EML6: variants seen among roughly 807,000 people sequenced by gnomAD.
EML6 encodes the protein EMAP like 6.
In EML6, 154 loss-of-function variants were observed where a neutral mutation model predicts 240.1. That is an observed-to-expected ratio of 0.64 (90% CI 0.56 to 0.73). The LOEUF (loss-of-function observed/expected upper bound fraction) is 0.73, where lower values mean the gene tolerates loss of function less well. Ranked by LOEUF, EML6 falls within the 30% of genes least tolerant of loss-of-function variation. The pLI, the probability that EML6 is intolerant of heterozygous loss-of-function variation, is 0.00. For missense variants in EML6, 2,964 were observed against 2,474.6 expected, an observed-to-expected ratio of 1.20 and a Z score of -4.20; for synonymous variants, 1,148 against 899.0, an observed-to-expected ratio of 1.28 and a Z score of -4.95.
intron 36 of EML6, among the ~76,000 whole-genome samples, chr2:54,963,322 A>G (rs567762873): frequency 4.6e-5 from 7 of 152,242 alleles, no homozygotes; most frequent in Non-Finnish European, 1.0e-4. Context: ...TAGACTTTTA[A>G]GTTAGTTTCT....
intron 16 of EML6, among the ~76,000 whole-genome samples, chr2:54,873,429 A>G (rs1468925267): frequency 1.3e-5 from 2 of 152,238 alleles, no homozygotes; most frequent in Non-Finnish European, 2.9e-5. Flanking sequence ...ACAGTCAGTA[A>G]TTCACTCAAT....
intron 2 of EML6, among the ~76,000 whole-genome samples, chr2:54,799,408 C>A (rs931010510): frequency 6.6e-6 from 1 of 151,596 alleles, no homozygotes; most frequent in African/African-American, 2.4e-5. Flanking sequence ...TGTGGTGGCG[C>A]GATCTCCGTT....
intron 2 of EML6, among the ~76,000 whole-genome samples, chr2:54,727,504 A>G (rs1682962655): frequency 6.6e-6 from 1 of 152,254 alleles, no homozygotes; most frequent in Non-Finnish European, 1.5e-5. Context: ...AAGACACTGC[A>G]CAAACCACAA....
At chr2:54,935,042 A>T (rs749003550) in intron 28 of EML6, among the ~76,000 whole-genome samples, 9 of 152,078 alleles carry the variant, frequency 5.9e-5, no homozygotes, top group Non-Finnish European at 8.8e-5. Context: ...AGTTTATATT[A>T]TTTGTCTCTG....
chr2:54,896,887 G>GA (rs1340602744), intron 21 of EML6, among the ~76,000 whole-genome samples: 1 of 152,116 alleles, frequency 6.6e-6, no homozygotes, highest in African/African-American at 2.4e-5. Context: ...GTTTTTAAAA[G>GA]AAAAAATCTA....
chr2:54,749,849 A>T (rs1040881528), intron 2 of EML6, among the ~76,000 whole-genome samples: 7 of 152,178 alleles, frequency 4.6e-5, no homozygotes, highest in Admixed American at 1.3e-4. Flanking sequence ...TTGTCATCTG[A>T]TGGTAAGAAT....
chr2:54,852,676 A>T (rs765187800), intron 10 of EML6, among the ~76,000 whole-genome samples: 1 of 152,206 alleles, frequency 6.6e-6, no homozygotes, highest in Non-Finnish European at 1.5e-5. Context: ...TCTTTAATGA[A>T]GTTTTACGTA....
intron 37 of EML6, 38 bp downstream of exon 37, chr2:54,964,196 C>G: frequency 2.0e-6 from 3 of 1,536,158 alleles, no homozygotes; most frequent in Non-Finnish European, 2.6e-6. Flanking sequence ...AGGAGAAAGG[C>G]AAGCATTCTG....
chr2:54,726,009 A>G (rs1682892397), intron 2 of EML6, among the ~76,000 whole-genome samples: 1 of 152,150 alleles, frequency 6.6e-6, no homozygotes, highest in African/African-American at 2.4e-5. Context: ...ATTAAATGGA[A>G]AGGGGTTATA....
chr2:54,758,111 CG>C (rs569967982), intron 2 of EML6, among the ~76,000 whole-genome samples: 2 of 146,406 alleles, frequency 1.4e-5, no homozygotes, highest in South Asian at 4.3e-4. Flanking sequence ...CTTCTGTTCT[CG>C]TATGCATTAT....
chr2:54,879,817 C>T (rs1487462859), intron 17 of EML6, 177 bp downstream of exon 17: 1 of 592,814 alleles, frequency 1.7e-6, no homozygotes, highest in Non-Finnish European at 3.0e-6. Flanking sequence ...TGACTTAGAG[C>T]AGGTCATGTT....
At chr2:54,953,921 A>C in intron 31 of EML6, 62 bp from the exon 32 acceptor site, 1 of 1,336,320 alleles carries the variant, frequency 7.5e-7, no homozygotes, top group Non-Finnish European at 1.0e-6. Context: ...CATGAACATA[A>C]GCATCGCCTT....
Position 54,964,946 on chromosome 2 carries a change from A to G in EML6, c.5493+213A>G, listed in dbSNP as rs2588512. 0.16 allele frequency among the ~76,000 whole-genome samples: 24,542 copies of G among 152,270 alleles called. 2,673 individuals carry two copies. The highest frequency in any genetic ancestry group is 0.48 in the East Asian group (2,474 of 5,176). Reference sequence around the variant, plus strand: ...CGTGGAGGAAATAGAATTTAAAATAATAAAGAGTAAGAAAAACAGGAAACA... The same window carrying G: ...CGTGGAGGAAATAGAATTTAAAATAGTAAAGAGTAAGAAAAACAGGAAACA... On this transcript the variant is annotated intron_variant, in intron 38 of 41. Coordinates refer to ENST00000356458, the MANE Select transcript of EML6 (RefSeq NM_001039753.4).
At chr2:54,814,136 T>C (rs1035954326) in intron 3 of EML6, among the ~76,000 whole-genome samples, 6 of 152,222 alleles carry the variant, frequency 3.9e-5, no homozygotes, top group African/African-American at 1.2e-4. Context: ...TAGGTGGGCA[T>C]TCTATTTTAG....
At position 54,903,353 on chromosome 2, in the gene EML6, C is replaced by T; in HGVS notation, c.3278-18C>T. ...TATATAAAATGCTTCGATGTTAACC[C>T]CACATTTTTCTTAACAGATACGGGA... On this transcript the variant is annotated intron_variant, in intron 23 of 41. Coordinates refer to ENST00000356458, the MANE Select transcript of EML6 (RefSeq NM_001039753.4). 1 of 1,549,666 alleles carries T rather than the reference C, an allele frequency of 6.5e-7. No individual in the cohort carries two copies. The highest frequency in any genetic ancestry group is 8.7e-7 in the Non-Finnish European group (1 of 1,146,144).
At chr2:54,876,741 A>G (rs2103958047) in intron 16 of EML6, among the ~76,000 whole-genome samples, 1 of 152,332 alleles carries the variant, frequency 6.6e-6, no homozygotes, top group East Asian at 1.9e-4. Flanking sequence ...TTTACAGGGT[A>G]GAATGTGACA....
chr2:54,736,682 C>G (rs190023559), intron 2 of EML6, among the ~76,000 whole-genome samples: 2 of 152,330 alleles, frequency 1.3e-5, no homozygotes, highest in African/African-American at 4.8e-5. Flanking sequence ...CTTCACAGCA[C>G]TGGGTCAGCT....
At chr2:54,728,921 A>G (rs148408726) in intron 2 of EML6, among the ~76,000 whole-genome samples, 1 of 152,186 alleles carries the variant, frequency 6.6e-6, no homozygotes, top group East Asian at 1.9e-4. Context: ...CCTGCCTCAC[A>G]GTGGAATGAT....
chr2:54,799,481 G>T (rs1449236842), intron 2 of EML6, among the ~76,000 whole-genome samples: 1 of 152,020 alleles, frequency 6.6e-6, no homozygotes, highest in Admixed American at 6.5e-5. Flanking sequence ...GAGTAGCTGG[G>T]ATTACAGGTG....
Sources: gnomAD v4.1 joint callset for allele counts (sites outside exome capture counted in the v4.1 genomes callset) on GRCh38, gnomAD v4.1.1 for gene constraint, MANE v1.5 for transcripts, NCBI Gene and HGNC (gene_info 2026-07-23, HGNC 2026-07-21) for gene names.